TLL1: variants seen among roughly 807,000 people sequenced by gnomAD.
TLL1 encodes the protein tolloid like 1.
TLL1 carries 49 observed loss-of-function variants against 128.2 expected under a neutral mutation model. That is an observed-to-expected ratio of 0.38 (90% CI 0.30 to 0.48). The LOEUF is 0.48. TLL1 is among the 20% of genes least tolerant of loss of function. The pLI is 0.96. For missense variants in TLL1, 1,123 were observed against 1,242.0 expected (o/e 0.90, Z 1.44); for synonymous variants, 454 against 418.8 (o/e 1.08, Z -1.03).
chr4:166,030,397 G>A (rs1224856346), intron 9 of TLL1: 1 of 449,668 alleles, frequency 2.2e-6, no homozygotes, highest in African/African-American at 2.0e-5. Flanking sequence ...TATATATTCT[G>A]GTTATTAAGC....
rs578012773 is a variant in TLL1, at chr4:166,033,879, A to G, written c.1159-5460A>G. Among the ~76,000 whole-genome samples the G allele has an allele frequency of 3.9e-5, 6 of 152,272 alleles. No homozygotes were observed. The East Asian group carries it at 1.2e-3, about 29-fold the overall frequency. ...CCTTAGAATTGACTAACCTTTGAAC[A>G]AGGGCAGATTGCTTATGTCTTGAAT... On this transcript the variant is annotated intron_variant, in intron 9 of 20. Coordinates refer to ENST00000061240, the MANE Select transcript of TLL1 (RefSeq NM_012464.5).
At chr4:165,890,703 C>A (rs1410160228) in intron 1 of TLL1, among the ~76,000 whole-genome samples, 4 of 152,226 alleles carry the variant, frequency 2.6e-5, no homozygotes, top group Admixed American at 1.3e-4. Flanking sequence ...TACAGCTTCT[C>A]TCCTGGCTGC....
At chr4:166,056,681 T>G (rs1353761351) in intron 13 of TLL1, among the ~76,000 whole-genome samples, 1 of 152,168 alleles carries the variant, frequency 6.6e-6, no homozygotes, top group African/African-American at 2.4e-5. Context: ...TTAGTAAGTT[T>G]TTAAATTTCA....
chr4:165,940,880 TG>T (rs1561042723), intron 1 of TLL1, among the ~76,000 whole-genome samples: 1 of 152,176 alleles, frequency 6.6e-6, no homozygotes, highest in East Asian at 1.9e-4. Context: ...TTCACCATTT[TG>T]GGGGCTATTT....
Position 165,987,507 on chromosome 4 carries a change from C to T in TLL1, c.170-1874C>T, listed in dbSNP as rs190025615. On this transcript the variant is annotated intron_variant, in intron 1 of 20. Coordinates refer to ENST00000061240, the MANE Select transcript of TLL1 (RefSeq NM_012464.5). ...AGTGTTATAAACTATTCTGTACACTCTTTGTGGCTTTGCTGCTATGAGAGT... is the reference window on the plus strand; with the variant it reads ...AGTGTTATAAACTATTCTGTACACTTTTTGTGGCTTTGCTGCTATGAGAGT... 9.2e-5 allele frequency among the ~76,000 whole-genome samples: 14 copies of T among 152,106 alleles called. No individual in the cohort carries two copies. The East Asian group carries it at 2.5e-3, about 27-fold the overall frequency.
intron 1 of TLL1, among the ~76,000 whole-genome samples, chr4:165,955,247 A>G (rs1305859244): frequency 6.6e-6 from 1 of 152,030 alleles, no homozygotes; most frequent in Admixed American, 6.6e-5. Context: ...AAAAAGAAAG[A>G]AAAAAGAAAT....
At chr4:166,007,279 C>T (rs750764639) in intron 6 of TLL1, among the ~76,000 whole-genome samples, 2 of 151,626 alleles carry the variant, frequency 1.3e-5, no homozygotes, top group Non-Finnish European at 3.0e-5. Flanking sequence ...ATGAAGATGT[C>T]CAGAAGTTAA....
At chr4:166,083,203 C>T (rs1469874372) in intron 18 of TLL1, among the ~76,000 whole-genome samples, 1 of 65,136 alleles carries the variant, frequency 1.5e-5, no homozygotes, top group African/African-American at 3.1e-5. Flanking sequence ...ACCCCTTTTT[C>T]TTTAGGCAGG....
intron 9 of TLL1, among the ~76,000 whole-genome samples, chr4:166,035,435 C>T (rs1485863915): frequency 1.2e-4 from 18 of 151,988 alleles, no homozygotes; most frequent in Admixed American, 9.8e-4. Flanking sequence ...TATTTTTCTC[C>T]ACATCATTCA....
rs1736772334 is a variant in TLL1 at position 165,994,438 on chromosome 4, A to T, written c.419A>T (p.Asn140Ile). ...GKVPLQFSGQ[N>I]EKNRVPRAAT... ...GTACCTCTACAATTCTCAGGGCAAA[A>T]TGAGAAAAATCGAGTTCCCAGAGCC... Residue 140 changes from asparagine to isoleucine, a missense_variant, in exon 4 of 21, where the codon AAT becomes ATT. Physicochemically the swap from Asn to Ile is moderately radical, Grantham distance 149. Around this residue, in one of 3 missense-constraint regions of TLL1, gnomAD observed 480 missense variants for 542.4 expected, o/e 0.89. Coordinates refer to ENST00000061240, the MANE Select transcript of TLL1 (RefSeq NM_012464.5). 6.2e-7 allele frequency: 1 copy of T among 1,613,966 alleles called. No individual in the cohort carries two copies. The highest frequency in any genetic ancestry group is 1.7e-5 in the Admixed American group (1 of 59,990).
chr4:165,951,218 G>A (rs1288679889), intron 1 of TLL1, among the ~76,000 whole-genome samples: 1 of 152,110 alleles, frequency 6.6e-6, no homozygotes, highest in Non-Finnish European at 1.5e-5. Context: ...AACCTGAATA[G>A]CCTACACCTA....
intron 1 of TLL1, among the ~76,000 whole-genome samples, chr4:165,874,777 T>A (rs1168385619): frequency 1.3e-5 from 2 of 152,256 alleles, no homozygotes; most frequent in Non-Finnish European, 2.9e-5. Context: ...TGCCTGAAGC[T>A]CAGCTTCTTG....
At position 166,101,901 on chromosome 4, in the gene TLL1, C is replaced by T. The variant is rs201063224; in HGVS notation, c.*1025C>T. The T allele has an allele frequency of 5.9e-4, 90 of 152,430 alleles. No homozygotes were observed. The highest frequency in any genetic ancestry group is 9.7e-4 in the Non-Finnish European group (66 of 67,906). 9.4% of individuals were successfully genotyped at this position (152,430 alleles called of 1,614,324 possible). ...ACTGAAAGGTCTCTTTCATTTTTCT[C>T]TTCCTGGGATTCATTTTTTCAAAAC... is the stretch of plus-strand genomic sequence containing the variant. On this transcript the variant is annotated 3_prime_UTR_variant, in exon 21 of 21. Coordinates refer to ENST00000061240, the MANE Select transcript of TLL1 (RefSeq NM_012464.5).
At chr4:166,031,664 G>A (rs1244159174) in intron 9 of TLL1, among the ~76,000 whole-genome samples, 1 of 151,844 alleles carries the variant, frequency 6.6e-6, no homozygotes, top group Non-Finnish European at 1.5e-5. Flanking sequence ...CACTATGCCC[G>A]GCTTTAAGTT....
chr4:165,933,354 C>T (rs1733615724), intron 1 of TLL1, among the ~76,000 whole-genome samples: 1 of 152,026 alleles, frequency 6.6e-6, no homozygotes, highest in Admixed American at 6.6e-5. Context: ...TCTGGCCTCC[C>T]CTGGGAGGCA....
chr4:165,918,847 T>G (rs1732903220), intron 1 of TLL1, among the ~76,000 whole-genome samples: 1 of 152,138 alleles, frequency 6.6e-6, no homozygotes. Flanking sequence ...TTGGATTTCC[T>G]GAAACACTGG....
intron 1 of TLL1, among the ~76,000 whole-genome samples, chr4:165,883,630 A>G (rs1463043853): frequency 6.6e-6 from 1 of 152,228 alleles, no homozygotes; most frequent in Non-Finnish European, 1.5e-5. Context: ...CCACAGTAGT[A>G]TAAATATATA....
rs569552368 is a variant in TLL1 at position 165,877,732 on chromosome 4, C to T, written c.169+3659C>T. On this transcript the variant is annotated intron_variant, in intron 1 of 20. Transcript: ENST00000061240. ...TCTCCTTCTCTTCTTCCCTCCCTTC[C>T]ATTCCTTGCTTTTTTACTTCCTTCC... Among the ~76,000 whole-genome samples the T allele has an allele frequency of 2.0e-5, 3 of 152,108 alleles. No individual in the cohort carries two copies. In the East Asian group the frequency reaches 5.8e-4, roughly 29 times the overall value.
chr4:165,912,919 G>A (rs1441569241), intron 1 of TLL1, among the ~76,000 whole-genome samples: 1 of 151,548 alleles, frequency 6.6e-6, no homozygotes, highest in African/African-American at 2.4e-5. Flanking sequence ...GGATTGAGCT[G>A]TTTTCTTTTT....
Sources: gnomAD v4.1 joint callset for allele counts (sites outside exome capture counted in the v4.1 genomes callset) on GRCh38, gnomAD v4.1.1 for gene constraint, gnomAD v4.1.1 regional missense constraint, MANE v1.5 for transcripts, NCBI Gene and HGNC (gene_info 2026-07-23, HGNC 2026-07-21) for gene names.